Variants in PABPC1 observed in about 807,000 individuals in gnomAD.
PABPC1 encodes the protein poly(A) binding protein cytoplasmic 1, also known as polyadenylate-binding protein 1.
A neutral mutation model predicts 74.0 loss-of-function variants in PABPC1; 4 were observed. The observed-to-expected ratio is 0.05, with a 90% CI of 0.03 to 0.12. The LOEUF (loss-of-function observed/expected upper bound fraction) is 0.12, where lower values mean the gene tolerates loss of function less well. Among genes scored for constraint, PABPC1 ranks in the 10% least tolerant of loss-of-function variants. PABPC1 has a pLI of 1.00. For missense variants in PABPC1, 271 were observed against 821.1 expected, an observed-to-expected ratio of 0.33 and a Z score of 8.19; for synonymous variants, 227 against 264.1, an observed-to-expected ratio of 0.86 and a Z score of 1.36.
chr8:100,720,780 G>A (rs984820404), intron 1 of PABPC1, among the ~76,000 whole-genome samples: 1 of 152,190 alleles, frequency 6.6e-6, no homozygotes, highest in Non-Finnish European at 1.5e-5. Context: ...ATCAGTCACT[G>A]ATGAGTTCTG....
rs76666519 is a variant in PABPC1 at position 100,713,021 on chromosome 8, T to C, written c.738+66A>G. The stretch of plus-strand genomic sequence containing the variant: ...TGTCAAATAGCTATTAGTATGCACA[T>C]AGACTTCAACACAAGAGCAACTCAA... On this transcript the variant is annotated intron_variant, in intron 5 of 14. Coordinates refer to ENST00000318607, the MANE Select transcript of PABPC1 (RefSeq NM_002568.4). 4,144 of 1,170,558 alleles carry C rather than the reference T, an allele frequency of 3.5e-3. 62 individuals are homozygous for C. The African/African-American group carries it at 0.041, about 11-fold the overall frequency. The allele number at this position is 1,170,558 out of a possible 1,614,324, so 72.5% of individuals were successfully genotyped here. A position where few individuals can be genotyped will look rare whatever the true frequency, so the allele number is the denominator to read the frequency against.
chr8:100,721,654 TGGGGGCCGGAGCC>T lies in PABPC1; in HGVS notation c.-84_-72del. 1.4e-6 allele frequency: 1 copy of T among 693,992 alleles called. No individual in the cohort carries two copies. The highest frequency in any genetic ancestry group is 1.9e-6 in the Non-Finnish European group (1 of 530,940). 43.0% of individuals were successfully genotyped at this position (693,992 alleles called of 1,614,324 possible). On this transcript the variant is annotated 5_prime_UTR_variant, in exon 1 of 15. Coordinates refer to ENST00000318607, the MANE Select transcript of PABPC1 (RefSeq NM_002568.4). This position sits in a 1 kb window ranked among gnomAD's most constrained non-coding sequence, Gnocchi z 7.4. ...AGAGGAGGAGAGCGAGTGCCGGGGCTGGGGGCCGGAGCCGGGGGGAGGGGAGCGGGGAGCAAGC... is the reference window on the plus strand; with the variant it reads ...AGAGGAGGAGAGCGAGTGCCGGGGCTGGGGGGAGGGGAGCGGGGAGCAAGC...
intron 4 of PABPC1, among the ~76,000 whole-genome samples, chr8:100,714,083 CATTTG>C (rs1342272671): frequency 6.6e-6 from 1 of 152,158 alleles, no homozygotes; most frequent in Non-Finnish European, 1.5e-5. Flanking sequence ...TTAAAAATCA[CATTTG>C]ATTACAGAAA....
intron 1 of PABPC1, among the ~76,000 whole-genome samples, chr8:100,720,157 T>C (rs188777559): frequency 2.1e-4 from 32 of 152,256 alleles, no homozygotes; most frequent in African/African-American, 7.0e-4. Flanking sequence ...GGCCAGCCTG[T>C]AGGGGGGGAA....
In PABPC1 at chr8:100,703,069, T is replaced by G. The variant is rs768628894; in HGVS notation, c.*292A>C. 2 of 161,958 alleles carry G rather than the reference T, an allele frequency of 1.2e-5. No homozygotes were observed. The highest frequency in any genetic ancestry group is 2.9e-5 in the Non-Finnish European group (2 of 68,112). The allele number at this position is 161,958 out of a possible 1,614,324, so 10.0% of individuals were successfully genotyped here. A position where few individuals can be genotyped will look rare whatever the true frequency, so the allele number is the denominator to read the frequency against. ...AATTAAAGAAAGGAATGCTTTAAATTTTTGTACTTTGCTGAAAATTCTTTT... is the reference window on the plus strand; with the variant it reads ...AATTAAAGAAAGGAATGCTTTAAATGTTTGTACTTTGCTGAAAATTCTTTT... On this transcript the variant is annotated 3_prime_UTR_variant, in exon 15 of 15. Transcript: ENST00000318607.
intron 1 of PABPC1, among the ~76,000 whole-genome samples, chr8:100,720,079 C>G (rs879468530): frequency 6.6e-6 from 1 of 152,162 alleles, no homozygotes; most frequent in Non-Finnish European, 1.5e-5. Context: ...AGCTTAAATT[C>G]CACCCTTAAG....
In PABPC1 at chr8:100,712,808, G is replaced by GGA. The variant is rs869153632; in HGVS notation, c.739-20_739-19insTC. The GGA allele has an allele frequency of 2.9e-6, 4 of 1,368,440 alleles. No homozygotes were observed. Among genetic ancestry groups the GGA allele is most frequent in the Non-Finnish European group, 2.9e-6 (3 of 1,020,902 alleles). The allele number at this position is 1,368,440 out of a possible 1,614,324, so 84.8% of individuals were successfully genotyped here. On this transcript the variant is annotated intron_variant, in intron 5 of 14. Transcript: ENST00000318607. ...CCACAGCCTTCCCCCCAAAAAAAAA[G>GGA]AAAAAAAAAAAATCACAAAACTTTC...
At position 100,709,155 on chromosome 8, in the gene PABPC1, A is replaced by G. The variant is rs746106829; in HGVS notation, c.1314T>C (p.Thr438=). The G allele has an allele frequency of 1.9e-5, 30 of 1,613,824 alleles. No homozygotes were observed. Among genetic ancestry groups the G allele is most frequent in the African/African-American group, 1.2e-4 (9 of 74,922 alleles). The change falls in exon 9 of 15, where the codon ACT becomes ACC. Residue 438 remains threonine, a synonymous_variant. Transcript: ENST00000318607. ...IAQLRPSPRW[T]AQGARPHPFQ... is the part of the protein sequence containing the mutation. ...TACGATGAGGTCTGGCACCCTGAGC[A>G]GTCCAGCGAGGACTTGGTCTTAGTT...
At chr8:100,708,760 C>T (rs1323329602) in intron 9 of PABPC1, among the ~76,000 whole-genome samples, 2 of 152,100 alleles carry the variant, frequency 1.3e-5, no homozygotes, top group Non-Finnish European at 2.9e-5. Flanking sequence ...CCTGTAATCC[C>T]AGCTACTCCA....
At chr8:100,708,313 G>A (rs1810435243) in intron 9 of PABPC1, among the ~76,000 whole-genome samples, 1 of 152,160 alleles carries the variant, frequency 6.6e-6, no homozygotes, top group Non-Finnish European at 1.5e-5. Flanking sequence ...AAAATTAGCT[G>A]GGCGTGGTGG....
At chr8:100,720,316 A>G (rs756854479) in intron 1 of PABPC1, among the ~76,000 whole-genome samples, 2 of 152,238 alleles carry the variant, frequency 1.3e-5, no homozygotes, top group Non-Finnish European at 2.9e-5. Flanking sequence ...AAATAAAAGC[A>G]CAAAGTTAGC....
intron 4 of PABPC1, 126 bp downstream of exon 4, chr8:100,715,334 CCA>C (rs2129733095): frequency 5.2e-6 from 4 of 768,482 alleles, no homozygotes; most frequent in Non-Finnish European, 8.0e-6. Context: ...ATTCAAATAA[CCA>C]CAAATATTTT....
intron 9 of PABPC1, among the ~76,000 whole-genome samples, chr8:100,707,439 G>C (rs1810409742): frequency 6.6e-6 from 1 of 152,206 alleles, no homozygotes; most frequent in South Asian, 2.1e-4. Flanking sequence ...CCAATGATAG[G>C]TAAGGTCACG....
chr8:100,704,518 C>T (rs1587142747), intron 13 of PABPC1, 128 bp from the exon 14 acceptor site: 3 of 796,844 alleles, frequency 3.8e-6, no homozygotes, highest in South Asian at 1.6e-5. Flanking sequence ...AATTGTTACA[C>T]TAAACAACTA....
intron 3 of PABPC1, among the ~76,000 whole-genome samples, chr8:100,715,921 T>G (rs935857269): frequency 2.0e-5 from 3 of 152,190 alleles, no homozygotes; most frequent in African/African-American, 7.2e-5. Flanking sequence ...TAAAAAGACC[T>G]CTATCAAATT....
intron 7 of PABPC1, among the ~76,000 whole-genome samples, chr8:100,711,291 A>G (rs1194289210): frequency 6.6e-6 from 1 of 152,208 alleles, no homozygotes; most frequent in Admixed American, 6.5e-5. Flanking sequence ...AAAGACAAAA[A>G]AAAAACACCT....
intron 4 of PABPC1, among the ~76,000 whole-genome samples, chr8:100,714,301 G>A (rs946330182): frequency 8.5e-5 from 13 of 152,162 alleles, no homozygotes; most frequent in Non-Finnish European, 1.6e-4. Context: ...TATATAAAAG[G>A]CAGTAGCTAA....
intron 1 of PABPC1, among the ~76,000 whole-genome samples, chr8:100,720,027 G>A (rs563115854): frequency 2.6e-5 from 4 of 152,340 alleles, no homozygotes; most frequent in African/African-American, 7.2e-5. Flanking sequence ...ACAGTGAAGA[G>A]CTGATCAGTA....
rs978117998 is a variant in PABPC1, at chr8:100,721,195, T to A, written c.193+196A>T. Among the ~76,000 whole-genome samples the A allele has an allele frequency of 6.6e-6, 1 of 151,870 alleles. No homozygotes were observed. Among genetic ancestry groups the A allele is most frequent in the Non-Finnish European group, 1.5e-5 (1 of 67,908 alleles). ...GCAAAGGAGGAAGTAGCCGGGCGTG[T>A]GGCTGCCGGCAGCGCGGGTCCCCGC... On this transcript the variant is annotated intron_variant, in intron 1 of 14. Coordinates refer to ENST00000318607, the MANE Select transcript of PABPC1 (RefSeq NM_002568.4). The surrounding 1 kb of genome is among the most constrained non-coding windows in gnomAD (Gnocchi z 7.4).
Sources: gnomAD v4.1 joint callset for allele counts (sites outside exome capture counted in the v4.1 genomes callset) on GRCh38, gnomAD v4.1.1 for gene constraint, Gnocchi (gnomAD v3.1) non-coding constraint, MANE v1.5 for transcripts, NCBI Gene and HGNC (gene_info 2026-07-23, HGNC 2026-07-21) for gene names.